Variants in SCAPER observed in about 807,000 individuals in gnomAD.
SCAPER encodes the protein S-phase cyclin A associated protein in the ER, also known as S phase cyclin A-associated protein in the endoplasmic reticulum.
Under a neutral mutation model 182.2 loss-of-function variants are expected in SCAPER, and 98 were observed. The observed-to-expected ratio is 0.54, with a 90% CI of 0.46 to 0.64. The LOEUF (loss-of-function observed/expected upper bound fraction) is 0.64, where lower values mean the gene tolerates loss of function less well. SCAPER is among the 30% of genes least tolerant of loss of function. SCAPER has a pLI of 0.00. For synonymous variants in SCAPER, 605 were observed against 564.6 expected (o/e 1.07, Z -1.01); for missense variants, 1,432 against 1,690.0 (o/e 0.85, Z 2.68).
At chr15:76,520,942 C>G (rs561371969) in intron 23 of SCAPER, among the ~76,000 whole-genome samples, 1 of 152,024 alleles carries the variant, frequency 6.6e-6, no homozygotes, top group African/African-American at 2.4e-5. Context: ...GGGTCAGTGG[C>G]GGGAAGTTTT....
At chr15:76,535,383 G>A (rs776993410) in intron 23 of SCAPER, among the ~76,000 whole-genome samples, 2 of 151,760 alleles carry the variant, frequency 1.3e-5, no homozygotes, top group South Asian at 2.1e-4. Context: ...TTAGCCAGGC[G>A]TGGTGGCGGG....
intron 26 of SCAPER, among the ~76,000 whole-genome samples, chr15:76,417,696 T>C (rs375354155): frequency 6.6e-6 from 1 of 152,166 alleles, no homozygotes; most frequent in Non-Finnish European, 1.5e-5. Context: ...TCTCCTTGAA[T>C]ACATGTCTTA....
rs116317875 is a variant in SCAPER at position 76,773,448 on chromosome 15, C to T, written c.1035+1407G>A. On this transcript the variant is annotated intron_variant, in intron 9 of 31. Coordinates refer to ENST00000563290, the MANE Select transcript of SCAPER (RefSeq NM_020843.4). The stretch of plus-strand genomic sequence containing the variant: ...TTTTTAGCTGAACACAGCAAAAATG[C>T]TAGCTGTTGGTTAAGTATTATAAAA... 1.7e-3 allele frequency among the ~76,000 whole-genome samples: 259 copies of T among 152,006 alleles called. 2 individuals are homozygous for T. The highest frequency in any genetic ancestry group is 6.0e-3 in the African/African-American group (250 of 41,534).
chr15:76,570,001 T>A (rs1382058954), intron 23 of SCAPER, among the ~76,000 whole-genome samples: 1 of 152,198 alleles, frequency 6.6e-6, no homozygotes, highest in Non-Finnish European at 1.5e-5. Context: ...CTTAATTACC[T>A]TACTGTGCCA....
chr15:76,834,161 A>G (rs2068741016), intron 5 of SCAPER, among the ~76,000 whole-genome samples: 4 of 152,188 alleles, frequency 2.6e-5, no homozygotes, highest in Admixed American at 2.0e-4. Flanking sequence ...CCCTCAGACC[A>G]CAGTGCAATA....
chr15:76,860,102 C>T (rs1042729788), intron 3 of SCAPER, among the ~76,000 whole-genome samples: 4 of 152,222 alleles, frequency 2.6e-5, no homozygotes, highest in South Asian at 4.1e-4. Flanking sequence ...TATGAAAAAT[C>T]GGGTTATGTA....
chr15:76,735,261 T>C (rs1330859774), intron 15 of SCAPER, among the ~76,000 whole-genome samples: 1 of 151,518 alleles, frequency 6.6e-6, no homozygotes, highest in East Asian at 1.9e-4. Context: ...TAGTCCTAAT[T>C]ACTTGGGAGG....
intron 27 of SCAPER, among the ~76,000 whole-genome samples, chr15:76,384,509 T>A (rs1240426727): frequency 6.6e-6 from 1 of 152,230 alleles, no homozygotes; most frequent in Non-Finnish European, 1.5e-5. Flanking sequence ...TGCACCATTA[T>A]TTAGGAAAAC....
intron 22 of SCAPER, among the ~76,000 whole-genome samples, chr15:76,584,862 A>G (rs1339662502): frequency 2.6e-5 from 4 of 152,188 alleles, no homozygotes; most frequent in Non-Finnish European, 4.4e-5. Context: ...CTCAATTTAA[A>G]TAAGAAAGTT....
intron 4 of SCAPER, chr15:76,855,735 G>A: frequency 3.8e-6 from 1 of 264,222 alleles, no homozygotes; most frequent in South Asian, 3.6e-5. Flanking sequence ...CTTCACACCA[G>A]TCGGAATGGC....
rs374631832 is a variant in SCAPER, at chr15:76,399,983, C to T, written c.3467+4541G>A. 5.6e-4 allele frequency among the ~76,000 whole-genome samples: 78 copies of T among 139,336 alleles called. No individual in the cohort carries two copies. In the South Asian group the frequency reaches 0.015, roughly 27 times the overall value. 91.4% of individuals were successfully genotyped at this position (139,336 alleles called of 152,430 possible). ...TGGCGCCACTGCACTCCAGCCTGGG[C>T]GACAGAGCGAGACTCCGTCTCAAAA... On this transcript the variant is annotated intron_variant, in intron 27 of 31. Transcript: ENST00000563290.
intron 20 of SCAPER, among the ~76,000 whole-genome samples, chr15:76,674,733 AT>A (rs1371267271): frequency 6.6e-6 from 1 of 152,132 alleles, no homozygotes; most frequent in Non-Finnish European, 1.5e-5. Flanking sequence ...TAAAAAATAA[AT>A]TTCTATGTTC....
intron 2 of SCAPER, among the ~76,000 whole-genome samples, chr15:76,876,841 T>C (rs2073198294): frequency 1.3e-5 from 2 of 152,234 alleles, no homozygotes; most frequent in South Asian, 2.1e-4. Context: ...GCCTGTGTAA[T>C]AAGGTGAGAA....
intron 5 of SCAPER, among the ~76,000 whole-genome samples, chr15:76,809,888 C>A (rs2066460404): frequency 1.3e-5 from 2 of 152,120 alleles, no homozygotes; most frequent in South Asian, 4.1e-4. Context: ...CACAGGGGCC[C>A]CCATAACACT....
At chr15:76,549,899 G>C (rs182020166) in intron 23 of SCAPER, among the ~76,000 whole-genome samples, 1 of 152,238 alleles carries the variant, frequency 6.6e-6, no homozygotes, top group African/African-American at 2.4e-5. Flanking sequence ...ATTAATGTAA[G>C]TAAGGATTTT....
chr15:76,884,087 T>C (rs1378283129), intron 1 of SCAPER, among the ~76,000 whole-genome samples: 1 of 152,086 alleles, frequency 6.6e-6, no homozygotes, highest in Non-Finnish European at 1.5e-5. Context: ...AAAAATAAAA[T>C]GGAAAAGAAA....
At chr15:76,606,615 G>A (rs1597640881) in intron 22 of SCAPER, among the ~76,000 whole-genome samples, 2 of 151,338 alleles carry the variant, frequency 1.3e-5, no homozygotes, top group African/African-American at 4.9e-5. Context: ...TGACAGTGGG[G>A]GGTTAAAGTC....
intron 17 of SCAPER, among the ~76,000 whole-genome samples, chr15:76,728,034 A>C (rs1331990038): frequency 6.6e-6 from 1 of 152,104 alleles, no homozygotes; most frequent in Non-Finnish European, 1.5e-5. Context: ...CAACTTCGCT[A>C]TAATTCAGAA....
chr15:76,496,689 G>A (rs1361211251), intron 24 of SCAPER, among the ~76,000 whole-genome samples: 7 of 152,062 alleles, frequency 4.6e-5, no homozygotes, highest in East Asian at 1.9e-4. Flanking sequence ...GGCATTTAAC[G>A]TTCATAAAGA....
Sources: gnomAD v4.1 joint callset for allele counts (sites outside exome capture counted in the v4.1 genomes callset) on GRCh38, gnomAD v4.1.1 for gene constraint, MANE v1.5 for transcripts, NCBI Gene and HGNC (gene_info 2026-07-23, HGNC 2026-07-21) for gene names.